The following NKAIN3 variants were observed in gnomAD, a reference collection of about 807,000 sequenced individuals.
NKAIN3 encodes the protein sodium/potassium transporting ATPase interacting 3.
In NKAIN3, 25 loss-of-function variants were observed where a neutral mutation model predicts 30.2. The ratio of observed to expected loss-of-function variants is 0.83; its 90% CI spans 0.60 to 1.16. The LOEUF (loss-of-function observed/expected upper bound fraction) is 1.16, where lower values mean the gene tolerates loss of function less well. Ranked by LOEUF, NKAIN3 falls within the 50% of genes most tolerant of loss-of-function variation. NKAIN3 has a pLI of 0.00. For missense variants in NKAIN3, 225 were observed against 254.1 expected (o/e 0.89, Z 0.78); for synonymous variants, 91 against 89.6 (o/e 1.02, Z -0.09).
At chr8:62,890,262 G>A (rs1429601742) in intron 4 of NKAIN3, among the ~76,000 whole-genome samples, 1 of 152,168 alleles carries the variant, frequency 6.6e-6, no homozygotes, top group Non-Finnish European at 1.5e-5. Flanking sequence ...TATGCTCTCT[G>A]ATAGCAAATA....
intron 4 of NKAIN3, among the ~76,000 whole-genome samples, chr8:62,890,903 G>C (rs1003987621): frequency 6.6e-6 from 1 of 152,298 alleles, no homozygotes; most frequent in Non-Finnish European, 1.5e-5. Flanking sequence ...TTGTTAAATG[G>C]CTTTGTCCCT....
At chr8:62,405,271 T>C (rs2129595522) in intron 1 of NKAIN3, among the ~76,000 whole-genome samples, 1 of 152,338 alleles carries the variant, frequency 6.6e-6, no homozygotes, top group South Asian at 2.1e-4. Flanking sequence ...TGCTGGCGTC[T>C]CACTGGGTTG....
rs778698652 is a variant in NKAIN3, at chr8:62,746,934, C to T, written c.276C>T (p.Asp92=). ...TCTTTTGTCTCCTACCCACCTAGGA[C>T]ACCGATCTAATGACATTCAATATCT... ...FYLEVGGLSK[D]TDLMTFNISV... Residue 92 remains aspartate (D), a splice_region_variant and synonymous_variant, in exon 4 of 7, where the codon GAC becomes GAT. Transcript: ENST00000623646. 6.3e-7 allele frequency: 1 copy of T among 1,598,090 alleles called. No individual in the cohort carries two copies. The highest frequency in any genetic ancestry group is 1.7e-5 in the Admixed American group (1 of 59,852).
intron 5 of NKAIN3, among the ~76,000 whole-genome samples, chr8:62,919,142 G>T (rs1822195962): frequency 6.9e-6 from 1 of 145,212 alleles, no homozygotes; most frequent in African/African-American, 2.6e-5. Context: ...GTCAACAAAT[G>T]ACTTTCATTG....
At chr8:62,284,817 A>G (rs1249454845) in intron 1 of NKAIN3, among the ~76,000 whole-genome samples, 1 of 152,102 alleles carries the variant, frequency 6.6e-6, no homozygotes, top group Non-Finnish European at 1.5e-5. Flanking sequence ...AATCTCACCT[A>G]TGTAATTACC....
At chr8:62,703,958 A>C (rs944323300) in intron 3 of NKAIN3, among the ~76,000 whole-genome samples, 2 of 152,172 alleles carry the variant, frequency 1.3e-5, no homozygotes, top group East Asian at 3.9e-4. Flanking sequence ...ATATACTCTA[A>C]AATTTCTGGA....
At chr8:62,951,649 G>A (rs1402710628) in intron 5 of NKAIN3, among the ~76,000 whole-genome samples, 2 of 151,888 alleles carry the variant, frequency 1.3e-5, no homozygotes, top group African/African-American at 2.4e-5. Flanking sequence ...TTTTAATGGG[G>A]ACGGTGTTTC....
intron 3 of NKAIN3, among the ~76,000 whole-genome samples, chr8:62,609,859 C>G (rs918533714): frequency 1.3e-5 from 2 of 151,960 alleles, no homozygotes; most frequent in Non-Finnish European, 2.9e-5. Flanking sequence ...TAGAGGAGAG[C>G]CGAAGAAAGA....
chr8:62,605,490 G>C (rs1210526171), intron 3 of NKAIN3, among the ~76,000 whole-genome samples: 1 of 151,750 alleles, frequency 6.6e-6, no homozygotes, highest in Non-Finnish European at 1.5e-5. Context: ...AGGAACTAGG[G>C]CTACATTCAG....
At chr8:62,621,285 G>T (rs866564618) in intron 3 of NKAIN3, among the ~76,000 whole-genome samples, 1 of 152,016 alleles carries the variant, frequency 6.6e-6, no homozygotes, top group East Asian at 1.9e-4. Context: ...GTGAAGTTTT[G>T]ATTTGTGAGT....
At chr8:62,412,731 G>T (rs984366615) in intron 1 of NKAIN3, among the ~76,000 whole-genome samples, 2 of 151,446 alleles carry the variant, frequency 1.3e-5, no homozygotes, top group Non-Finnish European at 2.9e-5. Context: ...TAGAGACATG[G>T]TGAAACCCTG....
At chr8:62,855,518 G>A in intron 4 of NKAIN3, 1 of 1,429,600 alleles carries the variant, frequency 7.0e-7, no homozygotes, top group Non-Finnish European at 9.9e-7. Context: ...ATTGTAATCT[G>A]GTGGGTAAAC....
chr8:62,460,925 T>C (rs753880741), intron 1 of NKAIN3, among the ~76,000 whole-genome samples: 1 of 152,196 alleles, frequency 6.6e-6, no homozygotes, highest in Non-Finnish European at 1.5e-5. Flanking sequence ...AGGAAAATCT[T>C]GGGAATGAAT....
chr8:62,348,024 TTG>T (rs1491263059), intron 1 of NKAIN3, among the ~76,000 whole-genome samples: 22 of 124,860 alleles, frequency 1.8e-4, no homozygotes, highest in Middle Eastern at 3.9e-3. Flanking sequence ...GTATTTTTTA[TTG>T]TTTTTTTATT....
At chr8:62,746,024 T>G (rs991882769) in intron 3 of NKAIN3, among the ~76,000 whole-genome samples, 6 of 152,230 alleles carry the variant, frequency 3.9e-5, no homozygotes, top group African/African-American at 1.4e-4. Context: ...ATCACAAAAT[T>G]GATAGCTTAA....
At chr8:62,992,069 A>G (rs1253921311) in intron 5 of NKAIN3, among the ~76,000 whole-genome samples, 3 of 151,224 alleles carry the variant, frequency 2.0e-5, no homozygotes, top group South Asian at 2.1e-4. Flanking sequence ...TCCAGGCTGC[A>G]GTGCAGTGGC....
chr8:62,466,347 G>A (rs1425651242), intron 1 of NKAIN3, among the ~76,000 whole-genome samples: 1 of 152,038 alleles, frequency 6.6e-6, no homozygotes, highest in Non-Finnish European at 1.5e-5. Flanking sequence ...CAAAATATGT[G>A]ATTTACGTTT....
rs527818279 is a variant in NKAIN3, at chr8:62,972,553, C to T, written c.*7146C>T. Among the ~76,000 whole-genome samples, 52 of 152,208 alleles carry T rather than the reference C, an allele frequency of 3.4e-4. 1 individual carries two copies. Among genetic ancestry groups the T allele is most frequent in the African/African-American group, 1.2e-3 (48 of 41,526 alleles). The stretch of plus-strand genomic sequence containing the variant: ...CTGAATCAAGTTCGTCGTCTATTTA[C>T]GTGCTTCTCAGTTGACATTTGTGAA... On this transcript the variant is annotated 3_prime_UTR_variant, in exon 7 of 7. Transcript: ENST00000623646.
At chr8:62,993,302 T>C (rs1013883872) in intron 5 of NKAIN3, among the ~76,000 whole-genome samples, 6 of 152,238 alleles carry the variant, frequency 3.9e-5, no homozygotes, top group Non-Finnish European at 8.8e-5. Flanking sequence ...CAACCTTTTA[T>C]TACAAATAGT....
Sources: allele counts gnomAD v4.1 joint callset (sites outside exome capture counted in the v4.1 genomes callset), GRCh38; gene constraint gnomAD v4.1.1; transcripts MANE v1.5; gene names NCBI Gene and HGNC (gene_info 2026-07-23, HGNC 2026-07-21).